The following PITRM1 variants were observed in gnomAD, a reference collection of about 807,000 sequenced individuals.
PITRM1 encodes the protein pitrilysin metallopeptidase 1.
In PITRM1, 100 loss-of-function variants were observed where a neutral mutation model predicts 129.9. The ratio of observed to expected loss-of-function variants is 0.77; its 90% CI spans 0.65 to 0.91. PITRM1 has a LOEUF of 0.91. Ranked by LOEUF, PITRM1 falls within the 40% of genes least tolerant of loss-of-function variation. The pLI, the probability that PITRM1 is intolerant of heterozygous loss-of-function variation, is 0.00. For missense variants in PITRM1, 1,471 were observed against 1,318.3 expected (o/e 1.12, Z -1.79); for synonymous variants, 591 against 508.8 (o/e 1.16, Z -2.17).
chr10:3,171,147 TAAAAAAAAAAAAAA>T (rs1169315061), intron 1 of PITRM1, among the ~76,000 whole-genome samples: 17 of 49,204 alleles, frequency 3.5e-4, no homozygotes, highest in African/African-American at 8.8e-4. Context: ...ATCGTTCAAT[TAAAAAAAAAAAAAA>T]AAAAAAAAAA....
At chr10:3,142,950 C>T (rs1193778052) in intron 23 of PITRM1, 1 of 163,654 alleles carries the variant, frequency 6.1e-6, no homozygotes. Flanking sequence ...CTCCGGGTCA[C>T]CTCCCACTCT....
intron 15 of PITRM1, 123 bp from the exon 16 acceptor site, chr10:3,149,876 T>A: frequency 1.0e-6 from 1 of 987,898 alleles, no homozygotes; most frequent in Non-Finnish European, 1.5e-6. Flanking sequence ...TATACTAGAG[T>A]TTATATAAAT....
At chr10:3,156,869 C>T (rs773914675) in intron 13 of PITRM1, 61 bp downstream of exon 13, 3 of 1,096,942 alleles carry the variant, frequency 2.7e-6, no homozygotes, top group Non-Finnish European at 3.8e-6. Context: ...TCCTAATATT[C>T]CTTTCATTAG....
chr10:3,166,669 C>T (rs778260573), intron 3 of PITRM1, among the ~76,000 whole-genome samples: 3 of 152,186 alleles, frequency 2.0e-5, no homozygotes, highest in Non-Finnish European at 4.4e-5. Flanking sequence ...TGTTTTAAAT[C>T]AAGCTTGTCC....
chr10:3,159,962 T>G, intron 8 of PITRM1, 26 bp from the exon 9 acceptor site: 1 of 1,502,728 alleles, frequency 6.7e-7, no homozygotes, highest in Non-Finnish European at 9.2e-7. Context: ...ACGTTGTGAG[T>G]AGGCACAGTG....
At position 3,160,333 on chromosome 10, in the gene PITRM1, A is replaced by T; in HGVS notation, c.792-3T>A. The T allele has an allele frequency of 6.2e-7, 1 of 1,606,368 alleles. No homozygotes were observed. Among genetic ancestry groups the T allele is most frequent in the Non-Finnish European group, 8.5e-7 (1 of 1,172,952 alleles). ...GAAAATTACCGTACGTGAAGAACCT[A>T]AAATTTTAAGGGAATATAATTAGTC... On this transcript the variant is annotated splice_polypyrimidine_tract_variant and splice_region_variant and intron_variant, in intron 7 of 26. Coordinates refer to ENST00000224949, the MANE Select transcript of PITRM1 (RefSeq NM_014889.4).
chr10:3,138,288 G>C lies in PITRM1; in HGVS notation c.2967C>G (p.His989Gln), dbSNP rs1802344. 2.4e-5 allele frequency: 38 copies of C among 1,613,806 alleles called. No homozygotes were observed. The highest frequency in any genetic ancestry group is 5.3e-5 in the African/African-American group (4 of 74,940). The change falls in exon 26 of 27, where the codon CAC (histidine) becomes CAG (glutamine). Residue 989 changes from histidine to glutamine, a missense_variant. Coordinates refer to ENST00000224949, the MANE Select transcript of PITRM1 (RefSeq NM_014889.4). ...GGCTGACAGCAAAGAGCTGCTCTCTGTGGGCCTGCTTCATCTCATCCGAGA... is the reference window on the plus strand; with the variant it reads ...GGCTGACAGCAAAGAGCTGCTCTCTCTGGGCCTGCTTCATCTCATCCGAGA... ...YGLSDEMKQA[H>Q]REQLFAVSHD... is the part of the protein sequence containing the mutation.
intron 14 of PITRM1, among the ~76,000 whole-genome samples, chr10:3,152,088 A>G (rs1379248108): frequency 1.1e-4 from 17 of 152,112 alleles, no homozygotes; most frequent in Admixed American, 1.1e-3. Flanking sequence ...TAATTTCAGC[A>G]AAAGACTTAC....
chr10:3,143,646 T>A (rs570560786), intron 22 of PITRM1, 145 bp from the exon 23 acceptor site: 1 of 717,560 alleles, frequency 1.4e-6, no homozygotes, highest in African/African-American at 1.7e-5. Flanking sequence ...AGGGGTCCCA[T>A]CTCCGTGACA....
At chr10:3,146,906 T>C in intron 20 of PITRM1, 1 of 304,552 alleles carries the variant, frequency 3.3e-6, no homozygotes, top group Non-Finnish European at 6.1e-6. Context: ...GGAAGCAATA[T>C]AACTACTTGC....
chr10:3,156,815 TAA>T (rs556091289), intron 13 of PITRM1, 113 bp downstream of exon 13: 45 of 633,560 alleles, frequency 7.1e-5, no homozygotes, highest in Non-Finnish European at 1.1e-4. Flanking sequence ...AATTAGAAAT[TAA>T]GTCACCCATT....
intron 25 of PITRM1, 100 bp downstream of exon 25, chr10:3,138,804 A>G: frequency 1.8e-6 from 2 of 1,094,508 alleles, no homozygotes; most frequent in Non-Finnish European, 2.8e-6. Flanking sequence ...TGGAGGCACC[A>G]GAAGCTAGTG....
intron 6 of PITRM1, 90 bp from the exon 7 acceptor site, chr10:3,163,975 T>C: frequency 4.9e-6 from 4 of 812,498 alleles, no homozygotes; most frequent in Non-Finnish European, 7.4e-6. Context: ...GATCACATTC[T>C]GGTGCATACA....
At chr10:3,164,359 C>G (rs1374057375) in intron 6 of PITRM1, 3 of 152,536 alleles carry the variant, frequency 2.0e-5, no homozygotes, top group Non-Finnish European at 2.9e-5. Context: ...TCAGGGACAC[C>G]AGGACAGACA....
In PITRM1 at chr10:3,160,189, C is replaced by T. The variant is rs772681149; in HGVS notation, c.918+15G>A. The stretch of plus-strand genomic sequence containing the variant: ...ATATTTACCAGGAAGGACACAAACA[C>T]GGTGGGGCACTCACAGGCTTGTCCC... On this transcript the variant is annotated intron_variant, in intron 8 of 26. Coordinates refer to ENST00000224949, the MANE Select transcript of PITRM1 (RefSeq NM_014889.4). The T allele has an allele frequency of 1.3e-4, 209 of 1,613,040 alleles. No homozygotes were observed. In the East Asian group the frequency reaches 1.8e-3, roughly 14 times the overall value.
chr10:3,138,042 T>A lies in PITRM1; in HGVS notation c.3103A>T (p.Ile1035Phe), dbSNP rs1173466007. The change falls in exon 27 of 27, where the codon ATC becomes TTC. Residue 1035 changes from isoleucine to phenylalanine, a missense_variant. Coordinates refer to ENST00000224949, the MANE Select transcript of PITRM1 (RefSeq NM_014889.4). Reference sequence around the variant, plus strand: ...AGCGCCACGGCTGCTCATTGGATGATCCAGGATGGGTCCTTGGCAATTTTC... The same window carrying A: ...AGCGCCACGGCTGCTCATTGGATGAACCAGGATGGGTCCTTGGCAATTTTC... Reference protein sequence around the residue: ...NPKIAKDPSWIIQ With the variant: ...NPKIAKDPSWFIQ 15 of 1,604,696 alleles carry A rather than the reference T, an allele frequency of 9.3e-6. No homozygotes were observed. The highest frequency in any genetic ancestry group is 1.3e-5 in the Non-Finnish European group (15 of 1,175,086).
chr10:3,140,220 C>A lies in PITRM1; in HGVS notation c.2771+467G>T, dbSNP rs74638140. ...CTGTGAACAGAAGCTCTTGGATACC[C>A]ACAGCGTATCTGATACCTAGACGGC... is the stretch of plus-strand genomic sequence containing the variant. On this transcript the variant is annotated intron_variant, in intron 24 of 26. Coordinates refer to ENST00000224949, the MANE Select transcript of PITRM1 (RefSeq NM_014889.4). Among the ~76,000 whole-genome samples, 354 of 152,302 alleles carry A rather than the reference C, an allele frequency of 2.3e-3. 3 individuals carry two copies. Among genetic ancestry groups the A allele is most frequent in the African/African-American group, 8.0e-3 (331 of 41,570 alleles).
rs1431163177 is a variant in PITRM1, at chr10:3,159,859, G to C, written c.996C>G (p.Phe332Leu). ...PSKQTTISVSFLLPDITDTFE... is the reference protein window; with the variant it reads ...PSKQTTISVSLLLPDITDTFE... ...CAGCATATACTTACTCCGGTAAGAG[G>C]AAGCTAACGCTGATGGTTGTTTGTT... Residue 332 changes from phenylalanine (F) to leucine (L), a missense_variant, in exon 9 of 27, where the codon TTC (phenylalanine) becomes TTG (leucine). Coordinates refer to ENST00000224949, the MANE Select transcript of PITRM1 (RefSeq NM_014889.4). 1 of 1,592,958 alleles carries C rather than the reference G, an allele frequency of 6.3e-7. No homozygotes were observed.
rs553133694 is a variant in PITRM1, at chr10:3,166,530, T to G, written c.267-150A>C. ...GGTTTTCCAACTATAATGTAAATCA[T>G]TGACTCAGACTGTAAAATTGTATTT... On this transcript the variant is annotated intron_variant, in intron 3 of 26. Transcript: ENST00000224949. The G allele has an allele frequency of 2.6e-5, 14 of 532,370 alleles. No homozygotes were observed. The South Asian group carries it at 2.7e-4, about 10-fold the overall frequency. 33.0% of individuals were successfully genotyped at this position (532,370 alleles called of 1,614,324 possible). A position where few individuals can be genotyped will look rare whatever the true frequency, so the allele number is the denominator to read the frequency against.
Sources: gnomAD v4.1 joint callset for allele counts (sites outside exome capture counted in the v4.1 genomes callset) on GRCh38, gnomAD v4.1.1 for gene constraint, MANE v1.5 for transcripts, NCBI Gene and HGNC (gene_info 2026-07-23, HGNC 2026-07-21) for gene names.